Variants in PSPC1 observed in about 807,000 individuals in gnomAD.
PSPC1 encodes paraspeckle protein 1.
Under a neutral mutation model 51.6 loss-of-function variants are expected in PSPC1, and 14 were observed. The ratio of observed to expected loss-of-function variants is 0.27; its 90% CI spans 0.18 to 0.42. The LOEUF (loss-of-function observed/expected upper bound fraction) is 0.42, where lower values mean the gene tolerates loss of function less well. Among genes scored for constraint, PSPC1 ranks in the 10% least tolerant of loss-of-function variants. The probability of loss-of-function intolerance (pLI) is 1.00; values close to 1 mark genes in which losing one functional copy is unlikely to be tolerated. For synonymous variants in PSPC1, 193 were observed against 231.9 expected, an observed-to-expected ratio of 0.83 and a Z score of 1.53; for missense variants, 406 against 701.1, an observed-to-expected ratio of 0.58 and a Z score of 4.75.
At chr13:19,776,695 G>A (rs1311230569) in intron 1 of PSPC1, among the ~76,000 whole-genome samples, 3 of 151,920 alleles carry the variant, frequency 2.0e-5, no homozygotes, top group Admixed American at 2.0e-4. Context: ...TTTTAGTAGA[G>A]ACGAGGTTTC....
At chr13:19,700,418 T>C (rs1307366810), downstream of PSPC1, among the ~76,000 whole-genome samples, 1 of 152,042 alleles carries the variant, frequency 6.6e-6, no homozygotes, top group African/African-American at 2.4e-5. Context: ...ATATTCAATC[T>C]CTTTCACTAA....
chr13:19,712,291 A>G (rs1881541356), intron 6 of PSPC1, among the ~76,000 whole-genome samples: 1 of 152,210 alleles, frequency 6.6e-6, no homozygotes, highest in South Asian at 2.1e-4. Flanking sequence ...GTAATTGTTT[A>G]CAGTCTCACT....
At chr13:19,738,097 AT>A (rs1885035783) in intron 5 of PSPC1, among the ~76,000 whole-genome samples, 1 of 152,132 alleles carries the variant, frequency 6.6e-6, no homozygotes, top group African/African-American at 2.4e-5. Context: ...CTCTTAAATA[AT>A]TTTTTTAAAT....
intron 2 of PSPC1, among the ~76,000 whole-genome samples, chr13:19,764,177 C>A (rs1209148087): frequency 6.6e-6 from 1 of 152,066 alleles, no homozygotes; most frequent in Non-Finnish European, 1.5e-5. Flanking sequence ...AGAAACAAGG[C>A]CCCTGAAATC....
chr13:19,696,236 G>C (rs570882294), intron 6 of PSPC1, among the ~76,000 whole-genome samples: 2 of 152,026 alleles, frequency 1.3e-5, no homozygotes, highest in South Asian at 4.1e-4. Context: ...GGTGATATCC[G>C]GATTACAATT....
At chr13:19,745,645 A>C (rs923762669) in intron 4 of PSPC1, among the ~76,000 whole-genome samples, 1 of 135,820 alleles carries the variant, frequency 7.4e-6, no homozygotes, top group Non-Finnish European at 1.5e-5. Context: ...TTGAGATGGG[A>C]GTCTCGCTCT....
intron 5 of PSPC1, among the ~76,000 whole-genome samples, chr13:19,733,416 C>T (rs750522600): frequency 1.1e-4 from 16 of 151,942 alleles, no homozygotes; most frequent in South Asian, 6.2e-4. Context: ...GAGGCAGAAG[C>T]GAAGGTGGGA....
intron 6 of PSPC1, among the ~76,000 whole-genome samples, chr13:19,722,333 C>CA (rs991710874): frequency 2.9e-4 from 44 of 151,304 alleles, no homozygotes; most frequent in African/African-American, 8.2e-4. Flanking sequence ...TCCAACTCTA[C>CA]AAAAAAAATG....
chr13:19,680,318 T>A (rs745570612), intron 6 of PSPC1, among the ~76,000 whole-genome samples: 1 of 152,166 alleles, frequency 6.6e-6, no homozygotes, highest in Non-Finnish European at 1.5e-5. Context: ...CCCGGCCCAA[T>A]ATTTAATTTT....
chr13:19,696,977 G>T (rs1362294709), intron 6 of PSPC1, among the ~76,000 whole-genome samples: 1 of 152,142 alleles, frequency 6.6e-6, no homozygotes, highest in African/African-American at 2.4e-5. Flanking sequence ...ATGTTTCCTA[G>T]TCAGAAATAA....
intron 6 of PSPC1, among the ~76,000 whole-genome samples, chr13:19,685,905 T>C (rs888166412): frequency 5.3e-5 from 8 of 152,244 alleles, no homozygotes; most frequent in African/African-American, 1.9e-4. Context: ...TTCAGAGGCA[T>C]TGTATCCAGA....
At chr13:19,757,816 A>G (rs868405999) in intron 3 of PSPC1, among the ~76,000 whole-genome samples, 1 of 152,144 alleles carries the variant, frequency 6.6e-6, no homozygotes, top group Non-Finnish European at 1.5e-5. Flanking sequence ...ACTGGTTTTT[A>G]AAAATATAAT....
intron 3 of PSPC1, among the ~76,000 whole-genome samples, chr13:19,757,292 C>T (rs912073502): frequency 3.9e-5 from 6 of 152,290 alleles, no homozygotes; most frequent in Non-Finnish European, 7.3e-5. Context: ...CATCAAGCTT[C>T]AGATGACCAT....
chr13:19,776,518 T>A (rs1469994926), intron 1 of PSPC1, among the ~76,000 whole-genome samples: 1 of 136,642 alleles, frequency 7.3e-6, no homozygotes, highest in Non-Finnish European at 1.6e-5. Context: ...TATATGCAAA[T>A]TTTTTTTTTT....
chr13:19,700,009 T>A (rs977535363), downstream of PSPC1, among the ~76,000 whole-genome samples: 9 of 152,040 alleles, frequency 5.9e-5, no homozygotes, highest in African/African-American at 9.7e-5. Context: ...ACTAATACCA[T>A]CTGACACTAA....
At chr13:19,731,612 C>T (rs1884132977) in intron 5 of PSPC1, among the ~76,000 whole-genome samples, 1 of 152,134 alleles carries the variant, frequency 6.6e-6, no homozygotes, top group Non-Finnish European at 1.5e-5. Flanking sequence ...CAGGGTCTTG[C>T]CATGTTGCCC....
At position 19,782,251 on chromosome 13, in the gene PSPC1, A is replaced by G. The variant is rs1890056249; in HGVS notation, c.372+135T>C. 2 of 1,344,046 alleles carry G rather than the reference A, an allele frequency of 1.5e-6. No individual in the cohort carries two copies. The highest frequency in any genetic ancestry group is 5.3e-5 in the East Asian group (2 of 37,446). The allele number at this position is 1,344,046 out of a possible 1,614,324, so 83.3% of individuals were successfully genotyped here. A position where few individuals can be genotyped will look rare whatever the true frequency, so the allele number is the denominator to read the frequency against. The stretch of plus-strand genomic sequence containing the variant: ...GGAAGCGGCCAACCCCGCACAGAGG[A>G]ATCGATGAGGCCGAGCGGCGCCACG... On this transcript the variant is annotated intron_variant, in intron 1 of 8. Transcript: ENST00000338910. This position sits in a 1 kb window ranked among gnomAD's most constrained non-coding sequence, Gnocchi z 4.5.
intron 7 of PSPC1, chr13:19,675,604 CTT>C: frequency 6.6e-6 from 1 of 151,278 alleles, no homozygotes; most frequent in Non-Finnish European, 1.5e-5. Context: ...TGTTTTCTGT[CTT>C]GTTTCTCCTA....
At chr13:19,731,657 G>A (rs534267851) in intron 5 of PSPC1, among the ~76,000 whole-genome samples, 87 of 152,260 alleles carry the variant, frequency 5.7e-4, no homozygotes, top group African/African-American at 2.1e-3. Context: ...CAAGTGGTCT[G>A]CCTGCCTCAA....
Sources: gnomAD v4.1 joint callset for allele counts (sites outside exome capture counted in the v4.1 genomes callset) on GRCh38, gnomAD v4.1.1 for gene constraint, Gnocchi (gnomAD v3.1) non-coding constraint, MANE v1.5 for transcripts, NCBI Gene and HGNC (gene_info 2026-07-23, HGNC 2026-07-21) for gene names.